EPB41L2: variants seen among roughly 807,000 people sequenced by gnomAD.
The protein encoded by EPB41L2 is erythrocyte membrane protein band 4.1 like 2, also known as band 4.1-like protein 2.
A neutral mutation model predicts 113.0 loss-of-function variants in EPB41L2; 43 were observed. The ratio of observed to expected loss-of-function variants is 0.38; its 90% CI spans 0.30 to 0.49. The LOEUF is 0.49. EPB41L2 is among the 20% of genes least tolerant of loss of function. The pLI is 0.95. For missense variants in EPB41L2, 1,147 were observed against 1,223.4 expected, an observed-to-expected ratio of 0.94 and a Z score of 0.93; for synonymous variants, 442 against 436.7, an observed-to-expected ratio of 1.01 and a Z score of -0.15.
At chr6:130,867,074 C>T (rs1329323751) in intron 16 of EPB41L2, among the ~76,000 whole-genome samples, 1 of 152,024 alleles carries the variant, frequency 6.6e-6, no homozygotes, top group Non-Finnish European at 1.5e-5. Context: ...TAAATCACAT[C>T]CACAATTAGA....
chr6:130,999,149 C>G (rs1381620678), intron 1 of EPB41L2, among the ~76,000 whole-genome samples: 1 of 152,134 alleles, frequency 6.6e-6, no homozygotes, highest in Non-Finnish European at 1.5e-5. Context: ...CCTACCCCAG[C>G]TCAATGCTGT....
chr6:131,004,465 T>G (rs1415637688), intron 1 of EPB41L2, among the ~76,000 whole-genome samples: 1 of 152,154 alleles, frequency 6.6e-6, no homozygotes, highest in African/African-American at 2.4e-5. Flanking sequence ...GAGTATTAAT[T>G]CCCTAGGCCT....
At position 130,901,181 on chromosome 6, in the gene EPB41L2, C is replaced by T; in HGVS notation, c.930-1G>A. On this transcript the variant is annotated splice_acceptor_variant, in intron 6 of 19. Transcript: ENST00000337057. LOFTEE classifies it high-confidence loss of function. ...CCGGAGCTGAAGGCACAAGAAGTATCTGTGAGGAGCAGAGGGAGAAATGGG... is the reference window on the plus strand; with the variant it reads ...CCGGAGCTGAAGGCACAAGAAGTATTTGTGAGGAGCAGAGGGAGAAATGGG... 6.2e-7 allele frequency: 1 copy of T among 1,612,820 alleles called. No homozygotes were observed. Among genetic ancestry groups the T allele is most frequent in the Non-Finnish European group, 8.5e-7 (1 of 1,179,846 alleles).
intron 1 of EPB41L2, among the ~76,000 whole-genome samples, chr6:130,983,561 A>G (rs1403480112): frequency 6.7e-6 from 1 of 149,210 alleles, no homozygotes; most frequent in Non-Finnish European, 1.5e-5. Context: ...AGTTCACCTG[A>G]AAGTTCACCC....
intron 1 of EPB41L2, among the ~76,000 whole-genome samples, chr6:130,978,233 C>T (rs1383892605): frequency 6.6e-6 from 1 of 152,224 alleles, no homozygotes; most frequent in Non-Finnish European, 1.5e-5. Flanking sequence ...TCTACCAGGG[C>T]AAGCTGGGGA....
At chr6:131,040,851 T>C (rs1412660245) in intron 1 of EPB41L2, among the ~76,000 whole-genome samples, 1 of 136,746 alleles carries the variant, frequency 7.3e-6, no homozygotes, top group African/African-American at 2.5e-5. Flanking sequence ...AAATTCTACT[T>C]ACAGAAAATA....
intron 19 of EPB41L2, among the ~76,000 whole-genome samples, chr6:130,842,171 A>G (rs1249811779): frequency 1.3e-5 from 2 of 152,196 alleles, no homozygotes; most frequent in African/African-American, 2.4e-5. Flanking sequence ...TTTATCACAG[A>G]TAATATTAAA....
At chr6:130,862,288 G>A (rs1051659207) in intron 18 of EPB41L2, among the ~76,000 whole-genome samples, 2 of 141,304 alleles carry the variant, frequency 1.4e-5, no homozygotes, top group Non-Finnish European at 3.0e-5. Flanking sequence ...AAGGGCCTAG[G>A]TTCAATGGGG....
chr6:130,911,328 A>T (rs772225504), intron 4 of EPB41L2, among the ~76,000 whole-genome samples: 19 of 152,078 alleles, frequency 1.2e-4, no homozygotes, highest in Non-Finnish European at 2.2e-4. Flanking sequence ...ATGAGAACAC[A>T]TGGACACGGA....
chr6:130,900,082 T>C (rs1795882153), intron 7 of EPB41L2, among the ~76,000 whole-genome samples: 1 of 152,220 alleles, frequency 6.6e-6, no homozygotes, highest in Admixed American at 6.5e-5. Flanking sequence ...AAGTAAACTT[T>C]AAGCTCCTAA....
At chr6:130,877,362 G>A (rs939239887) in intron 14 of EPB41L2, among the ~76,000 whole-genome samples, 1 of 152,078 alleles carries the variant, frequency 6.6e-6, no homozygotes, top group African/African-American at 2.4e-5. Context: ...TATGATAAAC[G>A]AGCCCATGGA....
At chr6:131,029,018 A>G (rs1261141284) in intron 1 of EPB41L2, among the ~76,000 whole-genome samples, 1 of 152,208 alleles carries the variant, frequency 6.6e-6, no homozygotes, top group Non-Finnish European at 1.5e-5. Context: ...GAATTCTGCA[A>G]AGCTACCACA....
At chr6:130,950,331 A>G (rs1395718352) in intron 3 of EPB41L2, among the ~76,000 whole-genome samples, 2 of 152,174 alleles carry the variant, frequency 1.3e-5, no homozygotes, top group African/African-American at 4.8e-5. Flanking sequence ...AATCTATAGT[A>G]AGAATAATTT....
At chr6:130,865,265 T>A (rs1783364505) in intron 17 of EPB41L2, among the ~76,000 whole-genome samples, 1 of 152,230 alleles carries the variant, frequency 6.6e-6, no homozygotes, top group Non-Finnish European at 1.5e-5. Flanking sequence ...AATTATAAAT[T>A]TTATTAAATT....
chr6:130,885,368 T>C, intron 11 of EPB41L2, 100 bp from the exon 12 acceptor site: 1 of 1,094,310 alleles, frequency 9.1e-7, no homozygotes, highest in Non-Finnish European at 1.4e-6. Context: ...AGCATATAAA[T>C]AGTGAACAGG....
At chr6:130,884,981 C>T in intron 12 of EPB41L2, 115 bp downstream of exon 12, 1 of 1,186,368 alleles carries the variant, frequency 8.4e-7, no homozygotes, top group Non-Finnish European at 1.2e-6. Context: ...AAATGACCAG[C>T]AGAGAACATA....
chr6:130,880,047 T>C (rs1473066200), intron 13 of EPB41L2, 97 bp downstream of exon 13: 9 of 848,702 alleles, frequency 1.1e-5, no homozygotes, highest in Non-Finnish European at 9.6e-6. Flanking sequence ...GCATGCACCG[T>C]GCTTGAAGAA....
intron 14 of EPB41L2, among the ~76,000 whole-genome samples, chr6:130,876,318 G>A (rs1787547042): frequency 6.6e-6 from 1 of 152,200 alleles, no homozygotes; most frequent in South Asian, 2.1e-4. Flanking sequence ...AGGCACATAA[G>A]TGGTTATTTT....
chr6:130,874,162 TAG>T (rs1786707337), intron 14 of EPB41L2, among the ~76,000 whole-genome samples: 1 of 152,162 alleles, frequency 6.6e-6, no homozygotes, highest in African/African-American at 2.4e-5. Context: ...AGGATTACAA[TAG>T]AGTTATTTAC....
Sources: allele counts gnomAD v4.1 joint callset (sites outside exome capture counted in the v4.1 genomes callset), GRCh38; gene constraint gnomAD v4.1.1; transcripts MANE v1.5; gene names NCBI Gene and HGNC (gene_info 2026-07-23, HGNC 2026-07-21).